The following ACSM6 variants were observed in gnomAD, a reference collection of about 807,000 sequenced individuals.
The protein encoded by ACSM6 is acyl-coenzyme A synthetase ACSM6, mitochondrial.
ACSM6 carries 35 observed loss-of-function variants against 51.1 expected under a neutral mutation model. The observed-to-expected ratio is 0.69, with a 90% CI of 0.52 to 0.91. The LOEUF (loss-of-function observed/expected upper bound fraction) is 0.91, where lower values mean the gene tolerates loss of function less well. ACSM6 is among the 40% of genes least tolerant of loss of function. ACSM6 has a pLI of 0.00. For missense variants in ACSM6, 509 were observed against 584.1 expected (o/e 0.87, Z 1.32); for synonymous variants, 172 against 207.3 (o/e 0.83, Z 1.46).
chr10:95,228,584 A>G, intron 10 of ACSM6, 60 bp from the exon 11 acceptor site: 1 of 1,506,366 alleles, frequency 6.6e-7, no homozygotes. Flanking sequence ...CTCAATTCAT[A>G]TCACTAAATG....
chr10:95,198,141 T>C (rs760144487), intron 2 of ACSM6, among the ~76,000 whole-genome samples: 8 of 151,944 alleles, frequency 5.3e-5, no homozygotes, highest in Non-Finnish European at 1.0e-4. Flanking sequence ...AAAGTACAGG[T>C]CTTTTCCAAA....
exon 11 of ACSM6, chr10:95,228,744 G>C (rs2035065493): frequency 6.4e-7 from 1 of 1,551,630 alleles, no homozygotes; most frequent in African/African-American, 1.4e-5. Context: ...TGGTCTGGTA[G>C]AGTTGATGAT....
chr10:95,204,743 G>T (rs1204935800), intron 3 of ACSM6, among the ~76,000 whole-genome samples: 1 of 152,030 alleles, frequency 6.6e-6, no homozygotes, highest in Non-Finnish European at 1.5e-5. Flanking sequence ...AAGGACTTAA[G>T]TATTAGAAGA....
At chr10:95,204,725 T>C (rs2034826280) in intron 3 of ACSM6, among the ~76,000 whole-genome samples, 1 of 152,124 alleles carries the variant, frequency 6.6e-6, no homozygotes, top group South Asian at 2.1e-4. Flanking sequence ...AAAATTGAAA[T>C]GTTAGAAAAG....
In ACSM6 at chr10:95,207,230, C is replaced by G. The variant is rs373364279; in HGVS notation, c.426C>G (p.Ser142Arg). ...CAGGAATCACCTTTGTGCCTGGGAG[C>G]CCCCAGCTGACTGCCAAGAAAATTC... is the stretch of plus-strand genomic sequence containing the variant. Residue 142 changes from serine (S) to arginine (R), a missense_variant, in exon 4 of 11, where the codon AGC becomes AGG. By Grantham distance (110) the Ser-to-Arg change is moderately radical. Coordinates refer to ENST00000341686, the Ensembl canonical transcript of ACSM6. The G allele has an allele frequency of 1.9e-6, 3 of 1,613,832 alleles. No individual in the cohort carries two copies. The African/African-American group carries it at 4.0e-5, about 22-fold the overall frequency.
rs2034980177 is a variant in ACSM6, at chr10:95,219,889, A to C, written c.1120-2A>C. ...AAAACTTGTCTGCATTTCTTTGAAC[A>C]GGGTCTACTCTGTGCCACTTCCAAA... On this transcript the variant is annotated splice_acceptor_variant, in intron 8 of 10. Transcript: ENST00000341686. LOFTEE classifies it high-confidence loss of function. 4 of 1,610,308 alleles carry C rather than the reference A, an allele frequency of 2.5e-6. No individual in the cohort carries two copies. The highest frequency in any genetic ancestry group is 3.4e-6 in the Non-Finnish European group (4 of 1,178,598).
At chr10:95,212,788 C>T (rs2133383816) in intron 6 of ACSM6, 70 bp from the exon 7 acceptor site, 1 of 1,242,876 alleles carries the variant, frequency 8.0e-7, no homozygotes, top group South Asian at 1.2e-5. Flanking sequence ...CCCGCCTGGA[C>T]CCCTGCCACA....
intron 4 of ACSM6, 142 bp downstream of exon 4, chr10:95,207,557 A>G: frequency 1.1e-6 from 1 of 879,280 alleles, no homozygotes; most frequent in South Asian, 1.5e-5. Context: ...ATGTATGAGA[A>G]GGTGGTGTGA....
At chr10:95,213,823 A>C (rs758027863) in intron 7 of ACSM6, among the ~76,000 whole-genome samples, 7 of 152,326 alleles carry the variant, frequency 4.6e-5, no homozygotes, top group Non-Finnish European at 7.3e-5. Context: ...CATTTTAGCT[A>C]TGTGGGCAAG....
At chr10:95,228,827 G>A in exon 11 of ACSM6, 1 of 1,535,474 alleles carries the variant, frequency 6.5e-7, no homozygotes, top group Non-Finnish European at 8.8e-7. Flanking sequence ...GTGGGAGTTT[G>A]AAGAAGACTC....
exon 3 of ACSM6, chr10:95,202,091 G>C (rs751791076): frequency 1.3e-6 from 2 of 1,552,050 alleles, no homozygotes; most frequent in Admixed American, 2.0e-5. Flanking sequence ...AAGGCCGCCA[G>C]CATCCTCTCA....
intron 2 of ACSM6, among the ~76,000 whole-genome samples, chr10:95,197,437 G>A (rs1473468066): frequency 6.6e-6 from 1 of 152,044 alleles, no homozygotes; most frequent in East Asian, 1.9e-4. Context: ...TGATAATAAG[G>A]AGAAGGTCAG....
At chr10:95,198,727 TG>T (rs1249643798) in intron 2 of ACSM6, among the ~76,000 whole-genome samples, 1 of 151,932 alleles carries the variant, frequency 6.6e-6, no homozygotes, top group Admixed American at 6.6e-5. Context: ...TACATCAAAA[TG>T]TGGTTGACAA....
At chr10:95,200,910 C>T (rs1383386715) in intron 2 of ACSM6, among the ~76,000 whole-genome samples, 1 of 151,946 alleles carries the variant, frequency 6.6e-6, no homozygotes, top group Non-Finnish European at 1.5e-5. Flanking sequence ...TCCCTCCATC[C>T]TCAGGGAGAG....
At chr10:95,206,442 T>C (rs2034839341) in intron 3 of ACSM6, among the ~76,000 whole-genome samples, 1 of 152,174 alleles carries the variant, frequency 6.6e-6, no homozygotes, top group Non-Finnish European at 1.5e-5. Context: ...TTTGGGCTAT[T>C]ACGAACAATG....
intron 10 of ACSM6, 151 bp downstream of exon 10, chr10:95,225,542 A>C: frequency 1.9e-6 from 1 of 534,194 alleles, no homozygotes; most frequent in South Asian, 2.8e-5. Flanking sequence ...AAATAGTAGC[A>C]CTCACCTACA....
exon 3 of ACSM6, chr10:95,202,108 T>C (rs1444283036): frequency 6.4e-7 from 1 of 1,552,260 alleles, no homozygotes; most frequent in East Asian, 2.4e-5. Flanking sequence ...CTCAGACACC[T>C]GTGCCCTTAG....
At chr10:95,199,305 A>G (rs1398947615) in intron 2 of ACSM6, among the ~76,000 whole-genome samples, 4 of 152,168 alleles carry the variant, frequency 2.6e-5, no homozygotes, top group East Asian at 3.8e-4. Context: ...CATATGTAGA[A>G]AGCTGAAACT....
At chr10:95,210,362 TGA>T (rs1339956694) in intron 4 of ACSM6, among the ~76,000 whole-genome samples, 1 of 152,104 alleles carries the variant, frequency 6.6e-6, no homozygotes, top group Admixed American at 6.5e-5. Flanking sequence ...GGAACAATAA[TGA>T]TTACTACAGA....
Sources: allele counts gnomAD v4.1 joint callset (sites outside exome capture counted in the v4.1 genomes callset), GRCh38; gene constraint gnomAD v4.1.1; transcripts MANE v1.5; gene names NCBI Gene and HGNC (gene_info 2026-07-23, HGNC 2026-07-21).